The following HPCAL1 variants were observed in gnomAD, a reference collection of about 807,000 sequenced individuals.
HPCAL1 encodes hippocalcin-like protein 1.
A neutral mutation model predicts 17.1 loss-of-function variants in HPCAL1; 8 were observed. That is an observed-to-expected ratio of 0.47 (90% CI 0.27 to 0.84). The LOEUF (loss-of-function observed/expected upper bound fraction) is 0.84. Among genes scored for constraint, HPCAL1 ranks in the 40% least tolerant of loss-of-function variants. HPCAL1 has a pLI of 0.13. For synonymous variants in HPCAL1, 112 were observed against 111.4 expected (o/e 1.01, Z -0.03); for missense variants, 165 against 271.1 (o/e 0.61, Z 2.75).
chr2:10,366,575 G>C (rs1437290507), intron 1 of HPCAL1, among the ~76,000 whole-genome samples: 8 of 152,192 alleles, frequency 5.3e-5, no homozygotes, highest in Admixed American at 3.3e-4. Context: ...TCTCCCAGAT[G>C]AGGTTCACAG....
intron 1 of HPCAL1, among the ~76,000 whole-genome samples, chr2:10,315,545 C>T (rs907793613): frequency 1.3e-5 from 2 of 152,174 alleles, no homozygotes; most frequent in Non-Finnish European, 1.5e-5. Flanking sequence ...TTTATTTACC[C>T]TCTTAATTTG....
chr2:10,386,490 AC>A lies in HPCAL1; in HGVS notation c.-110-10336del, dbSNP rs368940787. Among the ~76,000 whole-genome samples the A allele has an allele frequency of 4.9e-3, 708 of 144,262 alleles. 8 individuals are homozygous for A. The highest frequency in any genetic ancestry group is 0.017 in the African/African-American group (656 of 39,100). 94.6% of individuals were successfully genotyped at this position (144,262 alleles called of 152,430 possible). ...CAGGGGCTTTGATGTGGGGAGAAAG[AC>A]CCCCCCCCAGGTTACAGGTAAGCCC... On this transcript the variant is annotated intron_variant, in intron 1 of 4. Coordinates refer to ENST00000307845, the MANE Select transcript of HPCAL1 (RefSeq NM_002149.4).
chr2:10,398,843 G>A (rs3771145), intron 2 of HPCAL1, among the ~76,000 whole-genome samples: 28,436 of 152,062 alleles, frequency 0.19, 2,902 homozygotes, highest in African/African-American at 0.26. Flanking sequence ...GCCAGTTAGC[G>A]TGTGGTTAGC....
In HPCAL1 at chr2:10,387,441, C is replaced by T. The variant is rs190696215; in HGVS notation, c.-110-9394C>T. Among the ~76,000 whole-genome samples, 205 of 152,318 alleles carry T rather than the reference C, an allele frequency of 1.3e-3. 1 individual carries two copies. The highest frequency in any genetic ancestry group is 4.8e-3 in the African/African-American group (200 of 41,568). ...TTCCCCCACCCTCTCACCCCCACAG[C>T]GTTCCTGGTGCTCTGGGTGCCTGCT... On this transcript the variant is annotated intron_variant, in intron 1 of 4. Coordinates refer to ENST00000307845, the MANE Select transcript of HPCAL1 (RefSeq NM_002149.4).
At position 10,327,004 on chromosome 2, in the gene HPCAL1, C is replaced by T. The variant is rs186774797; in HGVS notation, c.-111+23827C>T. Among the ~76,000 whole-genome samples the T allele has an allele frequency of 2.1e-3, 313 of 152,314 alleles. 3 individuals carry two copies. The highest frequency in any genetic ancestry group is 7.2e-3 in the African/African-American group (299 of 41,554). ...TCCTCGGAAGCCCTTCGTCACCCAA[C>T]CAGAGTGAACTCCTTCTCCCAGGTG... On this transcript the variant is annotated intron_variant, in intron 1 of 4. Coordinates refer to ENST00000307845, the MANE Select transcript of HPCAL1 (RefSeq NM_002149.4).
chr2:10,303,489 G>A (rs1283133954), intron 1 of HPCAL1, among the ~76,000 whole-genome samples: 2 of 152,154 alleles, frequency 1.3e-5, no homozygotes, highest in African/African-American at 4.8e-5. Flanking sequence ...GGCGGGTGTC[G>A]TGTGTGAGCA....
intron 1 of HPCAL1, among the ~76,000 whole-genome samples, chr2:10,396,296 AC>A: frequency 6.6e-6 from 1 of 152,158 alleles, no homozygotes. Flanking sequence ...TGAGGGGCCA[AC>A]CCAGGTATGC....
intron 2 of HPCAL1, among the ~76,000 whole-genome samples, chr2:10,414,069 C>T (rs898555051): frequency 6.6e-6 from 1 of 152,252 alleles, no homozygotes; most frequent in Non-Finnish European, 1.5e-5. Flanking sequence ...CTTTGCCTCT[C>T]AGAGGTTCCG....
Position 10,400,448 on chromosome 2 carries a change from C to T in HPCAL1, c.-25+3528C>T, listed in dbSNP as rs116364963. 6.0e-3 allele frequency among the ~76,000 whole-genome samples: 912 copies of T among 152,308 alleles called. 14 individuals carry two copies. The highest frequency in any genetic ancestry group is 0.021 in the African/African-American group (874 of 41,546). On this transcript the variant is annotated intron_variant, in intron 2 of 4. Coordinates refer to ENST00000307845, the MANE Select transcript of HPCAL1 (RefSeq NM_002149.4). ...GAACAGGGCCATGGAGATTTGGGGCCGGAAGAGCAGGACCCCAGGCTTGCC... is the reference window on the plus strand; with the variant it reads ...GAACAGGGCCATGGAGATTTGGGGCTGGAAGAGCAGGACCCCAGGCTTGCC...
At chr2:10,411,572 C>A (rs539684006) in intron 2 of HPCAL1, among the ~76,000 whole-genome samples, 1 of 152,330 alleles carries the variant, frequency 6.6e-6, no homozygotes, top group African/African-American at 2.4e-5. Flanking sequence ...CTCCCCTGGA[C>A]CCCACTTTAT....
intron 1 of HPCAL1, among the ~76,000 whole-genome samples, chr2:10,364,586 C>CTTT (rs747134630): frequency 7.0e-6 from 1 of 143,764 alleles, no homozygotes; most frequent in African/African-American, 2.5e-5. Context: ...CTCCCGCCTC[C>CTTT]TTTTTTTTTT....
chr2:10,315,092 C>T (rs1663225772), intron 1 of HPCAL1, among the ~76,000 whole-genome samples: 1 of 152,152 alleles, frequency 6.6e-6, no homozygotes, highest in East Asian at 1.9e-4. Context: ...GAGATCGAGA[C>T]CATCCTGGCC....
intron 1 of HPCAL1, among the ~76,000 whole-genome samples, chr2:10,306,583 C>T (rs1369853157): frequency 2.0e-5 from 3 of 152,144 alleles, no homozygotes; most frequent in African/African-American, 4.8e-5. Flanking sequence ...CTTAGGGGCT[C>T]TTTTGGTGCC....
intron 1 of HPCAL1, among the ~76,000 whole-genome samples, chr2:10,352,493 G>T (rs1665900286): frequency 6.6e-6 from 1 of 152,220 alleles, no homozygotes. Context: ...AGCTAAATTA[G>T]TCCTCCTGGA....
chr2:10,339,327 T>C (rs1371948653), intron 1 of HPCAL1, among the ~76,000 whole-genome samples: 1 of 151,024 alleles, frequency 6.6e-6, no homozygotes, highest in Admixed American at 6.6e-5. Flanking sequence ...TAATTTTTTT[T>C]TTTTTTTGAG....
intron 1 of HPCAL1, among the ~76,000 whole-genome samples, chr2:10,319,576 G>A (rs1172748353): frequency 9.9e-6 from 1 of 100,686 alleles, no homozygotes; most frequent in African/African-American, 6.3e-5. Context: ...GGGCAGGTGG[G>A]GTGGGGTGGG....
intron 3 of HPCAL1, among the ~76,000 whole-genome samples, chr2:10,421,595 G>A (rs185073995): frequency 6.6e-6 from 1 of 152,304 alleles, no homozygotes; most frequent in East Asian, 1.9e-4. Context: ...CAGCTACTTG[G>A]GAGGCTGAGA....
chr2:10,425,739 CACAG>C (rs1291469642), intron 4 of HPCAL1: 1 of 152,258 alleles, frequency 6.6e-6, no homozygotes, highest in Non-Finnish European at 1.5e-5. Flanking sequence ...GTGTTGCCTG[CACAG>C]ACATTTTGCA....
chr2:10,393,965 A>C (rs1350843098), intron 1 of HPCAL1, among the ~76,000 whole-genome samples: 12 of 151,452 alleles, frequency 7.9e-5, no homozygotes, highest in Non-Finnish European at 1.6e-4. Context: ...AAATGAAAAA[A>C]AAAAAAAAAA....
Sources: allele counts gnomAD v4.1 joint callset (sites outside exome capture counted in the v4.1 genomes callset), GRCh38; gene constraint gnomAD v4.1.1; transcripts MANE v1.5; gene names NCBI Gene and HGNC (gene_info 2026-07-23, HGNC 2026-07-21).